The following GATC variants were observed in gnomAD, a reference collection of about 807,000 sequenced individuals.
GATC encodes glutamyl-tRNA amidotransferase subunit C.
A neutral mutation model predicts 14.4 loss-of-function variants in GATC; 11 were observed. The observed-to-expected ratio is 0.77, with a 90% CI of 0.48 to 1.27. GATC has a LOEUF of 1.27. Among genes scored for constraint, GATC ranks in the 50% most tolerant of loss-of-function variants. The pLI, the probability that GATC is intolerant of heterozygous loss-of-function variation, is 0.00. For synonymous variants in GATC, 76 were observed against 79.3 expected, an observed-to-expected ratio of 0.96 and a Z score of 0.22; for missense variants, 204 against 183.0, an observed-to-expected ratio of 1.11 and a Z score of -0.66.
At position 120,446,804 on chromosome 12, in the gene GATC, C is replaced by T. The variant is rs759538913; in HGVS notation, c.229C>T (p.Pro77Ser). The T allele has an allele frequency of 6.2e-7, 1 of 1,612,990 alleles. No individual in the cohort carries two copies. The highest frequency in any genetic ancestry group is 1.7e-5 in the Admixed American group (1 of 59,946). ...LRAVDTDGVE[P>S]MESVLEDRCL... The stretch of plus-strand genomic sequence containing the variant: ...CGCCGTGGACACAGACGGGGTGGAG[C>T]CCATGGAATCGGTCCTGGAGGACAG... Residue 77 changes from proline (P) to serine (S), a missense_variant, in exon 2 of 4, where the codon CCC (proline) becomes TCC (serine). Physicochemically the swap from Pro to Ser is moderately conservative, Grantham distance 74 (BLOSUM62 -1). Transcript: ENST00000551765.
At chr12:120,454,841 C>CAA (rs386377929) in intron 2 of GATC, 2 of 179,678 alleles carry the variant, frequency 1.1e-5, no homozygotes, top group African/African-American at 4.9e-5. Flanking sequence ...TAAATGAATA[C>CAA]AGTCCTTGTG....
intron 2 of GATC, among the ~76,000 whole-genome samples, chr12:120,451,875 C>CTTTTTT (rs1170221029): frequency 7.7e-5 from 7 of 90,838 alleles, no homozygotes; most frequent in Non-Finnish European, 1.4e-4. Context: ...TATATAAATT[C>CTTTTTT]TTTTTTTTTT....
intron 3 of GATC, among the ~76,000 whole-genome samples, chr12:120,459,224 G>A (rs946257409): frequency 1.3e-5 from 2 of 152,248 alleles, no homozygotes; most frequent in East Asian, 3.9e-4. Flanking sequence ...AGAGAAAGGA[G>A]ACTCTCCATC....
In GATC at chr12:120,461,415, T is replaced by C. The variant is rs1169941696; in HGVS notation, c.*1456T>C. 1.3e-5 allele frequency: 2 copies of C among 152,188 alleles called. No homozygotes were observed. Among genetic ancestry groups the C allele is most frequent in the African/African-American group, 2.4e-5 (1 of 41,440 alleles). The allele number at this position is 152,188 out of a possible 1,614,324, so 9.4% of individuals were successfully genotyped here. ...TGTTTATTTTTCCCATTCCCTTCCT[T>C]TATCTGCAATGCTTTTTTCTTTAAG... is the stretch of plus-strand genomic sequence containing the variant. On this transcript the variant is annotated 3_prime_UTR_variant, in exon 4 of 4. Coordinates refer to ENST00000551765, the MANE Select transcript of GATC (RefSeq NM_176818.3).
Position 120,462,185 on chromosome 12 carries a change from AAG to A in GATC, c.*2229_*2230del. On this transcript the variant is annotated 3_prime_UTR_variant, in exon 4 of 4. Coordinates refer to ENST00000551765, the MANE Select transcript of GATC (RefSeq NM_176818.3). Reference sequence around the variant, plus strand: ...ACCCTGAAATGCAAACAAAAACAAAAAGAGTAAAGGGGAAAAAAATCAGAGCC... The same window carrying A: ...ACCCTGAAATGCAAACAAAAACAAAAAGTAAAGGGGAAAAAAATCAGAGCC... The A allele has an allele frequency of 6.3e-7, 1 of 1,595,588 alleles. No individual in the cohort carries two copies. Among genetic ancestry groups the A allele is most frequent in the Non-Finnish European group, 8.5e-7 (1 of 1,170,640 alleles).
intron 2 of GATC, among the ~76,000 whole-genome samples, chr12:120,454,298 T>C (rs1352901535): frequency 6.6e-6 from 1 of 152,214 alleles, no homozygotes; most frequent in African/African-American, 2.4e-5. Flanking sequence ...TCTTGTTTTT[T>C]TAACATTTCA....
Position 120,460,102 on chromosome 12 carries a change from C to T in GATC, c.*143C>T. Reference sequence around the variant, plus strand: ...AAGCATTTCTTAATAACAGATTCTTCTGAAGACAGAATTGGGAAAGATCTG... The same window carrying T: ...AAGCATTTCTTAATAACAGATTCTTTTGAAGACAGAATTGGGAAAGATCTG... On this transcript the variant is annotated 3_prime_UTR_variant, in exon 4 of 4. Coordinates refer to ENST00000551765, the MANE Select transcript of GATC (RefSeq NM_176818.3). 1.7e-6 allele frequency: 1 copy of T among 596,612 alleles called. No homozygotes were observed. Among genetic ancestry groups the T allele is most frequent in the Non-Finnish European group, 3.0e-6 (1 of 332,876 alleles). 37.0% of individuals were successfully genotyped at this position (596,612 alleles called of 1,614,324 possible).
intron 2 of GATC, among the ~76,000 whole-genome samples, chr12:120,453,647 C>T (rs370809887): frequency 1.6e-4 from 24 of 152,104 alleles, no homozygotes; most frequent in African/African-American, 5.3e-4. Flanking sequence ...GAGAGGTATG[C>T]TTGCTGTACC....
intron 2 of GATC, among the ~76,000 whole-genome samples, chr12:120,452,944 C>T (rs1878090847): frequency 6.6e-6 from 1 of 152,162 alleles, no homozygotes; most frequent in South Asian, 2.1e-4. Context: ...AATTCACCCC[C>T]TTCGGCCTCC....
intron 3 of GATC, among the ~76,000 whole-genome samples, chr12:120,457,435 C>T (rs531236722): frequency 1.3e-5 from 2 of 152,108 alleles, no homozygotes; most frequent in East Asian, 1.9e-4. Flanking sequence ...CTCAAGATCT[C>T]CCTAAAGGGG....
chr12:120,450,974 T>A (rs553681418), intron 2 of GATC, among the ~76,000 whole-genome samples: 25 of 151,640 alleles, frequency 1.6e-4, no homozygotes, highest in Non-Finnish European at 3.4e-4. Flanking sequence ...AAACCCTGTT[T>A]CTACTTAAAA....
chr12:120,462,013 C>G lies in GATC; in HGVS notation c.*2054C>G, dbSNP rs1592989795. 1 of 1,597,692 alleles carries G rather than the reference C, an allele frequency of 6.3e-7. No homozygotes were observed. Among genetic ancestry groups the G allele is most frequent in the Non-Finnish European group, 8.5e-7 (1 of 1,172,748 alleles). ...AAAAATAAAGAAAAAATTCCCATCA[C>G]CTGTCTCAGTAGGGCCTGAAAGGAG... On this transcript the variant is annotated 3_prime_UTR_variant, in exon 4 of 4. Coordinates refer to ENST00000551765, the MANE Select transcript of GATC (RefSeq NM_176818.3).
intron 2 of GATC, chr12:120,455,089 T>C: frequency 2.7e-6 from 1 of 366,734 alleles, no homozygotes; most frequent in South Asian, 1.9e-5. Flanking sequence ...GGTTTCACCA[T>C]ATTGGATGGT....
In GATC at chr12:120,446,488, C is replaced by T. The variant is rs17431446; in HGVS notation, c.8C>T (p.Ser3Leu). The T allele has an allele frequency of 0.057, 90,884 of 1,606,746 alleles. 3,074 individuals are homozygous for T. Among genetic ancestry groups the T allele is most frequent in the South Asian group, 0.1 (9,381 of 90,618 alleles). Residue 3 changes from serine (S) to leucine (L), a missense_variant, in exon 1 of 4, where the codon TCG becomes TTG. Transcript: ENST00000551765. The part of the protein sequence containing the change: MW[S>L]RLVWLGLRAP... ...GGGCCAAGGAAGGAAGAAATGTGGT[C>T]GCGGTTGGTGTGGCTGGGCCTTCGG...
At chr12:120,452,612 A>G (rs1878082927) in intron 2 of GATC, among the ~76,000 whole-genome samples, 1 of 151,648 alleles carries the variant, frequency 6.6e-6, no homozygotes. Context: ...GTGTTGCCCA[A>G]GCTGGTCTCG....
At chr12:120,457,048 G>C (rs1315380842) in intron 2 of GATC, 28 bp from the exon 3 acceptor site, 1 of 1,502,462 alleles carries the variant, frequency 6.7e-7, no homozygotes, top group Non-Finnish European at 9.3e-7. Context: ...TCTCTGAGAG[G>C]GTAACCTTGA....
chr12:120,456,244 G>A (rs1156984295), intron 2 of GATC, among the ~76,000 whole-genome samples: 4 of 152,170 alleles, frequency 2.6e-5, no homozygotes, highest in Non-Finnish European at 5.9e-5. Flanking sequence ...TCAAGCTCTT[G>A]TGTGTTTTTT....
intron 2 of GATC, among the ~76,000 whole-genome samples, chr12:120,453,257 G>A (rs1270848018): frequency 6.6e-6 from 1 of 152,182 alleles, no homozygotes; most frequent in Admixed American, 6.5e-5. Flanking sequence ...TGCCACCGTA[G>A]CAGCATTTCT....
intron 2 of GATC, among the ~76,000 whole-genome samples, chr12:120,455,436 T>C (rs1878157484): frequency 6.6e-6 from 1 of 152,082 alleles, no homozygotes; most frequent in Admixed American, 6.6e-5. Flanking sequence ...TCCAAAGTGC[T>C]GGGATTACAT....
Sources: allele counts gnomAD v4.1 joint callset (sites outside exome capture counted in the v4.1 genomes callset), GRCh38; gene constraint gnomAD v4.1.1; transcripts MANE v1.5; gene names NCBI Gene and HGNC (gene_info 2026-07-23, HGNC 2026-07-21).